Variants in ERG observed in about 807,000 individuals in gnomAD.
ERG encodes transcriptional regulator ERG.
In ERG, 9 loss-of-function variants were observed where a neutral mutation model predicts 55.3. That is an observed-to-expected ratio of 0.16 (90% CI 0.10 to 0.28). ERG has a LOEUF of 0.28. Ranked by LOEUF, ERG falls within the 10% of genes least tolerant of loss-of-function variation. The pLI, the probability that ERG is intolerant of heterozygous loss-of-function variation, is 1.00. For missense variants in ERG, 434 were observed against 631.6 expected (o/e 0.69, Z 3.35); for synonymous variants, 223 against 237.3 (o/e 0.94, Z 0.55).
At chr21:38,585,249 C>T (rs1056762249), upstream of ERG, among the ~76,000 whole-genome samples, 1 of 152,122 alleles carries the variant, frequency 6.6e-6, no homozygotes, top group Non-Finnish European at 1.5e-5. Flanking sequence ...TTCCTTATAG[C>T]CCCCAGCTTT....
At chr21:38,405,640 A>G in intron 3 of ERG, among the ~76,000 whole-genome samples, 1 of 152,314 alleles carries the variant, frequency 6.6e-6, no homozygotes, top group Non-Finnish European at 1.5e-5. Context: ...CCGCGGAAGC[A>G]TCAGCATCAC....
At chr21:38,367,485 C>T in the ERG span, 1 of 385,154 alleles carries the variant, frequency 2.6e-6, no homozygotes, top group Non-Finnish European at 5.0e-6. Context: ...TCATCCCATA[C>T]ACTTCTCTGT....
chr21:38,556,811 G>A (rs77956131), intron 2 of ERG, among the ~76,000 whole-genome samples: 31 of 152,248 alleles, frequency 2.0e-4, no homozygotes, highest in African/African-American at 5.8e-4. Context: ...GAGACCCACC[G>A]CACCCAGACC....
chr21:38,520,170 A>G (rs535258088), intron 2 of ERG, among the ~76,000 whole-genome samples: 179 of 152,268 alleles, frequency 1.2e-3, no homozygotes, highest in Middle Eastern at 6.8e-3. Context: ...TCATCTATCA[A>G]TTCACTGCAA....
intron 1 of ERG, among the ~76,000 whole-genome samples, chr21:38,477,342 ACT>A (rs1328360978): frequency 6.6e-6 from 1 of 151,734 alleles, no homozygotes; most frequent in African/African-American, 2.4e-5. Flanking sequence ...ACTGGGCTAG[ACT>A]CTCACTCACT....
intron 2 of ERG, among the ~76,000 whole-genome samples, chr21:38,573,613 G>A (rs2059975861): frequency 2.0e-5 from 3 of 152,138 alleles, no homozygotes; most frequent in East Asian, 3.9e-4. Flanking sequence ...AGATTCTTTT[G>A]CTCACATGTT....
chr21:38,487,560 T>A (rs1174002056), intron 1 of ERG, among the ~76,000 whole-genome samples: 1 of 152,216 alleles, frequency 6.6e-6, no homozygotes. Flanking sequence ...CTGTCTGCTG[T>A]CTGGTCCTGT....
At chr21:38,372,219 CTT>C in the ERG span, among the ~76,000 whole-genome samples, 2 of 151,868 alleles carry the variant, frequency 1.3e-5, no homozygotes, top group African/African-American at 4.8e-5. Context: ...TCTGTCTTTT[CTT>C]TTTTAAAGTA....
chr21:38,554,108 A>C (rs1206017700), intron 2 of ERG, among the ~76,000 whole-genome samples: 3 of 152,238 alleles, frequency 2.0e-5, no homozygotes, highest in African/African-American at 7.2e-5. Flanking sequence ...TCACTAGAGA[A>C]AAGCAAACCA....
chr21:38,481,352 G>T (rs2059236846), intron 1 of ERG, among the ~76,000 whole-genome samples: 1 of 152,196 alleles, frequency 6.6e-6, no homozygotes, highest in South Asian at 2.1e-4. Context: ...TGCGGACGCT[G>T]TGGAAACAAT....
chr21:38,509,080 A>G (rs1052312860), intron 2 of ERG, among the ~76,000 whole-genome samples: 1 of 152,218 alleles, frequency 6.6e-6, no homozygotes, highest in Non-Finnish European at 1.5e-5. Context: ...CTGCAAACCT[A>G]TAAGAGACTC....
At chr21:38,443,356 C>T (rs2058859566) in intron 2 of ERG, among the ~76,000 whole-genome samples, 1 of 152,200 alleles carries the variant, frequency 6.6e-6, no homozygotes, top group Non-Finnish European at 1.5e-5. Context: ...TCCAACATCC[C>T]CCTCCTCCCT....
At chr21:38,657,749 C>CA (rs560625261) in intron 1 of ERG, among the ~76,000 whole-genome samples, 56 of 152,158 alleles carry the variant, frequency 3.7e-4, no homozygotes, top group Non-Finnish European at 5.6e-4. Flanking sequence ...GAGGTCCGTA[C>CA]ACTGACAATG....
intron 2 of ERG, among the ~76,000 whole-genome samples, chr21:38,444,343 G>A (rs568257136): frequency 7.2e-5 from 11 of 152,204 alleles, no homozygotes; most frequent in African/African-American, 2.4e-4. Flanking sequence ...TCCATCAAAT[G>A]GGGTCAAGTA....
intron 9 of ERG, among the ~76,000 whole-genome samples, chr21:38,389,432 T>A (rs986873493): frequency 1.3e-5 from 2 of 152,120 alleles, no homozygotes; most frequent in African/African-American, 4.8e-5. Flanking sequence ...GTATTAACAT[T>A]CCCAGAGTGT....
chr21:38,490,502 T>C (rs1350428363), intron 1 of ERG, among the ~76,000 whole-genome samples: 3 of 152,070 alleles, frequency 2.0e-5, no homozygotes, highest in Non-Finnish European at 4.4e-5. Flanking sequence ...TTGCCAAAGG[T>C]GAAATGGCCA....
intron 1 of ERG, among the ~76,000 whole-genome samples, chr21:38,655,244 C>T (rs2060511732): frequency 6.6e-6 from 1 of 152,046 alleles, no homozygotes; most frequent in South Asian, 2.1e-4. Flanking sequence ...TCCCACAGGG[C>T]CCTCATAATA....
chr21:38,533,266 G>A (rs2059685466), intron 2 of ERG, among the ~76,000 whole-genome samples: 2 of 151,892 alleles, frequency 1.3e-5, no homozygotes, highest in African/African-American at 2.4e-5. Context: ...ATTCCAGAAG[G>A]CATCTCAGTC....
In ERG at chr21:38,413,806, A is replaced by C. The variant is rs1011570893; in HGVS notation, c.388+9604T>G. Among the ~76,000 whole-genome samples, 3 of 152,228 alleles carry C rather than the reference A, an allele frequency of 2.0e-5. No homozygotes were observed. In the East Asian group the frequency reaches 5.8e-4, roughly 29 times the overall value. ...AGAAATGCAATGGCTTGTTCCACAT[A>C]AAGGTTTCTCCCTGCCTGGGTTTTC... On this transcript the variant is annotated intron_variant, in intron 3 of 9. Coordinates refer to ENST00000288319, the MANE Select transcript of ERG (RefSeq NM_182918.4).
Sources: gnomAD v4.1 joint callset for allele counts (sites outside exome capture counted in the v4.1 genomes callset) on GRCh38, gnomAD v4.1.1 for gene constraint, MANE v1.5 for transcripts, NCBI Gene and HGNC (gene_info 2026-07-23, HGNC 2026-07-21) for gene names.